Variants in NAALADL2 observed in about 807,000 individuals in gnomAD.
The protein encoded by NAALADL2 is N-acetylated alpha-linked acidic dipeptidase like 2.
Under a neutral mutation model 87.2 loss-of-function variants are expected in NAALADL2, and 76 were observed. The observed-to-expected ratio is 0.87, with a 90% CI of 0.72 to 1.05. NAALADL2 has a LOEUF of 1.05. Among genes scored for constraint, NAALADL2 ranks in the 50% least tolerant of loss-of-function variants. The pLI is 0.00. For missense variants in NAALADL2, 1,089 were observed against 945.8 expected (o/e 1.15, Z -1.99); for synonymous variants, 354 against 331.0 (o/e 1.07, Z -0.75).
chr3:174,690,326 G>T (rs181911508), intron 2 of NAALADL2, among the ~76,000 whole-genome samples: 159 of 152,144 alleles, frequency 1.0e-3, no homozygotes, highest in Non-Finnish European at 1.6e-3. Flanking sequence ...TACTTCATTT[G>T]TAGGATTTTT....
intron 9 of NAALADL2, among the ~76,000 whole-genome samples, chr3:175,554,432 A>G (rs1714934827): frequency 6.6e-6 from 1 of 152,108 alleles, no homozygotes; most frequent in East Asian, 1.9e-4. Flanking sequence ...ATATCATGAC[A>G]TGTAATTTAA....
At chr3:175,602,960 A>G (rs1005838632) in intron 10 of NAALADL2, among the ~76,000 whole-genome samples, 3 of 152,126 alleles carry the variant, frequency 2.0e-5, no homozygotes, top group Non-Finnish European at 4.4e-5. Flanking sequence ...TTCTCCCTAT[A>G]TAACTTTTTT....
chr3:175,292,621 C>CACACACACACACACACACCT (rs759687998), intron 4 of NAALADL2, among the ~76,000 whole-genome samples: 30 of 151,778 alleles, frequency 2.0e-4, no homozygotes, highest in African/African-American at 6.8e-4. Flanking sequence ...CACACACACA[C>CACACACACACACACACACCT]ACCTGAGGGG....
At chr3:174,919,352 C>T (rs1271216652) in intron 1 of NAALADL2, among the ~76,000 whole-genome samples, 1 of 152,156 alleles carries the variant, frequency 6.6e-6, no homozygotes, top group Non-Finnish European at 1.5e-5. Context: ...AATCTTGCTA[C>T]TGCTTTATAA....
intron 5 of NAALADL2, among the ~76,000 whole-genome samples, chr3:175,325,887 T>C (rs908387002): frequency 1.7e-4 from 26 of 152,234 alleles, no homozygotes; most frequent in African/African-American, 5.5e-4. Context: ...CTGGCTTCTT[T>C]TCATCCATAC....
At chr3:175,005,420 A>C (rs774172815) in intron 1 of NAALADL2, among the ~76,000 whole-genome samples, 1 of 152,110 alleles carries the variant, frequency 6.6e-6, no homozygotes, top group African/African-American at 2.4e-5. Context: ...TTTTATTTTT[A>C]CTTTCAATCT....
chr3:175,558,853 A>G (rs1266371611), intron 9 of NAALADL2, among the ~76,000 whole-genome samples: 1 of 152,138 alleles, frequency 6.6e-6, no homozygotes, highest in East Asian at 1.9e-4. Context: ...AAAGTTAGGT[A>G]ATGTGGTTCT....
chr3:175,527,691 A>G lies in NAALADL2; in HGVS notation c.1654-48350A>G, dbSNP rs773859852. On this transcript the variant is annotated intron_variant, in intron 9 of 13. Transcript: ENST00000454872. ...ACTACTTCTCAGCTTCTTGGCTAAG[A>G]TCAAGGGTAGTAGCATTTTAGAGAT... Among the ~76,000 whole-genome samples, 13 of 152,224 alleles carry G rather than the reference A, an allele frequency of 8.5e-5. 1 individual carries two copies. Among genetic ancestry groups the G allele is most frequent in the African/African-American group, 3.1e-4 (13 of 41,462 alleles).
rs150578356 is a variant in NAALADL2 at position 175,539,870 on chromosome 3, T to G, written c.1654-36171T>G. On this transcript the variant is annotated intron_variant, in intron 9 of 13. Transcript: ENST00000454872. Reference sequence around the variant, plus strand: ...TCTTGAAGTGAAACTTGATAACTATTTGTTTATGATTCACTCATATCATCC... The same window carrying G: ...TCTTGAAGTGAAACTTGATAACTATGTGTTTATGATTCACTCATATCATCC... Among the ~76,000 whole-genome samples the G allele has an allele frequency of 4.8e-3, 735 of 152,152 alleles. 3 individuals are homozygous for G. The highest frequency in any genetic ancestry group is 0.015 in the African/African-American group (635 of 41,422).
chr3:175,789,910 C>CTAAGTATAATT (rs1752569913), intron 13 of NAALADL2, among the ~76,000 whole-genome samples: 1 of 152,034 alleles, frequency 6.6e-6, no homozygotes, highest in Admixed American at 6.6e-5. Context: ...TTTGTTTTCC[C>CTAAGTATAATT]TAAGTATAAT....
chr3:175,022,920 A>G (rs1041266295), intron 1 of NAALADL2, among the ~76,000 whole-genome samples: 1 of 151,960 alleles, frequency 6.6e-6, no homozygotes, highest in Non-Finnish European at 1.5e-5. Context: ...TGAGTGTGAT[A>G]CTCTCCCTGC....
intron 4 of NAALADL2, 53 bp from the exon 5 acceptor site, chr3:175,324,122 T>C: frequency 2.0e-6 from 3 of 1,500,280 alleles, no homozygotes; most frequent in Middle Eastern, 3.6e-4. Flanking sequence ...TGGCACTATA[T>C]GAACTTTTAA....
At chr3:174,686,859 C>A (rs1349499622) in intron 2 of NAALADL2, among the ~76,000 whole-genome samples, 2 of 152,004 alleles carry the variant, frequency 1.3e-5, no homozygotes, top group Non-Finnish European at 2.9e-5. Context: ...GGAAAACAAC[C>A]TAAGCGGTAC....
chr3:175,491,843 T>C (rs1728145293), intron 9 of NAALADL2, among the ~76,000 whole-genome samples: 1 of 152,212 alleles, frequency 6.6e-6, no homozygotes, highest in African/African-American at 2.4e-5. Context: ...TGTTATCAGT[T>C]TTTGTGTGCC....
intron 1 of NAALADL2, among the ~76,000 whole-genome samples, chr3:174,890,111 A>G (rs1335368453): frequency 6.6e-6 from 1 of 152,202 alleles, no homozygotes; most frequent in East Asian, 1.9e-4. Context: ...AACATTGTTT[A>G]TAACCATCAC....
At chr3:174,981,696 A>T (rs1745139615) in intron 1 of NAALADL2, among the ~76,000 whole-genome samples, 1 of 152,168 alleles carries the variant, frequency 6.6e-6, no homozygotes, top group African/African-American at 2.4e-5. Context: ...AATGACCATG[A>T]CTTAAAATAT....
At chr3:174,663,114 G>GCGTTTAAAAATATATTCCATTGT (rs1725658065) in intron 2 of NAALADL2, among the ~76,000 whole-genome samples, 1 of 151,718 alleles carries the variant, frequency 6.6e-6, no homozygotes, top group African/African-American at 2.4e-5. Flanking sequence ...TATTCCATTG[G>GCGTTTAAAAATATATTCCATTGT]CATTTAAAAA....
chr3:174,857,495 T>C (rs1014948761), upstream of NAALADL2, among the ~76,000 whole-genome samples: 3 of 152,162 alleles, frequency 2.0e-5, no homozygotes, highest in African/African-American at 7.2e-5. Flanking sequence ...ATAACTGTTA[T>C]TGACTAATTT....
At chr3:174,842,126 ACCATAAACTCTGCCTG>A (rs1447272441) in intron 3 of NAALADL2, among the ~76,000 whole-genome samples, 1 of 150,168 alleles carries the variant, frequency 6.7e-6, no homozygotes, top group Non-Finnish European at 1.5e-5. Flanking sequence ...ATCTCTGCTC[ACCATAAACTCTGCCTG>A]CCGGGTTCAA....
Sources: allele counts gnomAD v4.1 joint callset (sites outside exome capture counted in the v4.1 genomes callset), GRCh38; gene constraint gnomAD v4.1.1; transcripts MANE v1.5; gene names NCBI Gene and HGNC (gene_info 2026-07-23, HGNC 2026-07-21).